RPTOR: variants seen among roughly 807,000 people sequenced by gnomAD.
RPTOR encodes regulatory-associated protein of mTOR.
RPTOR carries 21 observed loss-of-function variants against 169.9 expected under a neutral mutation model. The ratio of observed to expected loss-of-function variants is 0.12; its 90% CI spans 0.09 to 0.18. RPTOR has a LOEUF of 0.18. Ranked by LOEUF, RPTOR falls within the 10% of genes least tolerant of loss-of-function variation. The pLI is 1.00. For synonymous variants in RPTOR, 732 were observed against 753.2 expected (o/e 0.97, Z 0.46); for missense variants, 1,133 against 1,855.9 (o/e 0.61, Z 7.16).
intron 4 of RPTOR, among the ~76,000 whole-genome samples, chr17:80,723,210 T>TTTC (rs61035097): frequency 0.57 from 85,804 of 150,418 alleles, 25,378 homozygotes; most frequent in African/African-American, 0.64. Flanking sequence ...AAGTTGTTAT[T>TTTC]TTCTTTATAA....
chr17:80,799,821 G>A (rs1394976462), intron 7 of RPTOR, among the ~76,000 whole-genome samples: 1 of 152,184 alleles, frequency 6.6e-6, no homozygotes, highest in African/African-American at 2.4e-5. Context: ...GGATGGTCCT[G>A]AGTGCAGGCT....
intron 21 of RPTOR, among the ~76,000 whole-genome samples, chr17:80,920,124 C>T (rs927638907): frequency 3.9e-5 from 6 of 152,234 alleles, no homozygotes; most frequent in African/African-American, 1.4e-4. Flanking sequence ...TGGTCCTCTG[C>T]CTTTGCCCCT....
chr17:80,762,059 T>C (rs557010364), intron 6 of RPTOR, among the ~76,000 whole-genome samples: 1 of 152,342 alleles, frequency 6.6e-6, no homozygotes, highest in African/African-American at 2.4e-5. Flanking sequence ...AGGAAAATAT[T>C]TTTTCTCCCC....
chr17:80,738,784 A>G (rs1466649607), intron 5 of RPTOR, among the ~76,000 whole-genome samples: 2 of 152,248 alleles, frequency 1.3e-5, no homozygotes, highest in Non-Finnish European at 2.9e-5. Context: ...GGCTTGATAA[A>G]TACATATTTG....
intron 21 of RPTOR, among the ~76,000 whole-genome samples, chr17:80,919,263 C>T (rs1365982879): frequency 1.3e-5 from 2 of 152,196 alleles, no homozygotes; most frequent in Non-Finnish European, 1.5e-5. Context: ...TAGCAGCACA[C>T]GCTTTTGCAG....
chr17:80,843,044 T>C (rs1386921531), intron 10 of RPTOR, among the ~76,000 whole-genome samples: 1 of 152,216 alleles, frequency 6.6e-6, no homozygotes, highest in African/African-American at 2.4e-5. Flanking sequence ...TCCCACAACT[T>C]CGTTTTTTTC....
intron 7 of RPTOR, among the ~76,000 whole-genome samples, chr17:80,809,247 A>G (rs2067248992): frequency 1.3e-5 from 2 of 152,300 alleles, no homozygotes; most frequent in Admixed American, 6.5e-5. Flanking sequence ...GCTGCAGTGC[A>G]GTGGCACAGT....
intron 3 of RPTOR, among the ~76,000 whole-genome samples, chr17:80,700,900 C>T (rs1163815365): frequency 2.0e-5 from 3 of 151,180 alleles, no homozygotes; most frequent in Non-Finnish European, 4.4e-5. Context: ...GTATTGATAG[C>T]ACGGATAGAA....
chr17:80,894,789 C>T (rs1374583725), intron 20 of RPTOR, among the ~76,000 whole-genome samples: 3 of 151,890 alleles, frequency 2.0e-5, no homozygotes, highest in Admixed American at 1.3e-4. Context: ...GTGTTGTGTT[C>T]CCAGCTTAAG....
rs115403136 is a variant in RPTOR at position 80,846,840 on chromosome 17, G to T, written c.1314+266G>T. Among the ~76,000 whole-genome samples the T allele has an allele frequency of 2.8e-3, 426 of 152,366 alleles. 2 individuals carry two copies. The highest frequency in any genetic ancestry group is 9.5e-3 in the African/African-American group (394 of 41,594). ...CATTGATTTCCCTCCTCCACCCTCA[G>T]ATAAGTGTAACTTTGGGACTGGGGA... is the stretch of plus-strand genomic sequence containing the variant. On this transcript the variant is annotated intron_variant, in intron 11 of 33. Transcript: ENST00000306801.
At chr17:80,715,712 C>T (rs968418301) in intron 4 of RPTOR, among the ~76,000 whole-genome samples, 1 of 4,342 alleles carries the variant, frequency 2.3e-4, no homozygotes, top group African/African-American at 5.3e-4. Flanking sequence ...TTTTATCCCT[C>T]GCCCCCTCCC....
chr17:80,771,854 C>T lies in RPTOR; in HGVS notation c.830+17669C>T, dbSNP rs1470319181. Among the ~76,000 whole-genome samples, 3 of 152,196 alleles carry T rather than the reference C, an allele frequency of 2.0e-5. No individual in the cohort carries two copies. In the East Asian group the frequency reaches 5.8e-4, roughly 29 times the overall value. On this transcript the variant is annotated intron_variant, in intron 6 of 33. Transcript: ENST00000306801. The stretch of plus-strand genomic sequence containing the variant: ...GATCTGACGTGCCCGTCTTCTCGCT[C>T]GGGCACCCCAGCTGGTGCGTAGCGA...
chr17:80,613,307 C>A (rs1232636792), intron 1 of RPTOR, among the ~76,000 whole-genome samples: 1 of 152,204 alleles, frequency 6.6e-6, no homozygotes, highest in Non-Finnish European at 1.5e-5. Context: ...CCTGGGAGAT[C>A]TGTGGCACTC....
chr17:80,743,036 G>T (rs927289550), intron 5 of RPTOR, among the ~76,000 whole-genome samples: 1 of 152,204 alleles, frequency 6.6e-6, no homozygotes, highest in Non-Finnish European at 1.5e-5. Flanking sequence ...GTTTTAGAAG[G>T]TGGAGTGAGT....
At chr17:80,806,651 G>T (rs2067221245) in intron 7 of RPTOR, among the ~76,000 whole-genome samples, 1 of 152,144 alleles carries the variant, frequency 6.6e-6, no homozygotes, top group South Asian at 2.1e-4. Flanking sequence ...GTTACCATCA[G>T]TGTTGTGAAT....
intron 7 of RPTOR, among the ~76,000 whole-genome samples, chr17:80,816,671 C>G (rs1034473929): frequency 2.6e-5 from 4 of 152,110 alleles, no homozygotes; most frequent in Non-Finnish European, 4.4e-5. Context: ...TGAAGAAAGG[C>G]AAGGCTGGCC....
chr17:80,620,433 A>G (rs2065345892), intron 1 of RPTOR, among the ~76,000 whole-genome samples: 1 of 152,202 alleles, frequency 6.6e-6, no homozygotes, highest in Non-Finnish European at 1.5e-5. Context: ...ATACAATGCC[A>G]AAAAGACATT....
intron 3 of RPTOR, among the ~76,000 whole-genome samples, chr17:80,699,421 C>T (rs1318784098): frequency 7.4e-5 from 11 of 147,962 alleles, no homozygotes; most frequent in African/African-American, 1.5e-4. Context: ...GTGCTATGCA[C>T]AGTGCCCTGG....
chr17:80,681,493 C>T (rs1031816158), intron 3 of RPTOR, among the ~76,000 whole-genome samples: 10 of 152,106 alleles, frequency 6.6e-5, no homozygotes, highest in Non-Finnish European at 1.3e-4. Context: ...TCGAGTGCTG[C>T]GGGGAGTGTA....
Sources: allele counts gnomAD v4.1 joint callset (sites outside exome capture counted in the v4.1 genomes callset), GRCh38; gene constraint gnomAD v4.1.1; transcripts MANE v1.5; gene names NCBI Gene and HGNC (gene_info 2026-07-23, HGNC 2026-07-21).